The following DMD variants were observed in gnomAD, a reference collection of about 807,000 sequenced individuals.
DMD encodes the protein mutant dystrophin.
Under a neutral mutation model 330.1 loss-of-function variants are expected in DMD, and 63 were observed. That is an observed-to-expected ratio of 0.19 (90% CI 0.16 to 0.24). The LOEUF (loss-of-function observed/expected upper bound fraction) is 0.24. Ranked by LOEUF, DMD falls within the 10% of genes least tolerant of loss-of-function variation. The pLI is 1.00. For missense variants in DMD, 3,344 were observed against 2,684.1 expected, an observed-to-expected ratio of 1.25 and a Z score of -5.43; for synonymous variants, 1,223 against 959.8, an observed-to-expected ratio of 1.27 and a Z score of -5.07.
chrX:33,042,018 C>G (rs765361605), intron 1 of DMD, among the ~76,000 whole-genome samples: 1 of 111,458 alleles, frequency 9.0e-6, no homozygotes, highest in African/African-American at 3.3e-5. Flanking sequence ...GTTTACACAA[C>G]TCTTAGATGT....
chrX:32,563,342 C>CAAAAAAAAAAAAAAAAAAAAAAAAA (rs745316161), intron 16 of DMD, among the ~76,000 whole-genome samples: 1 of 42,853 alleles, frequency 2.3e-5, no homozygotes, highest in African/African-American at 9.1e-5. Context: ...GACTCCATCT[C>CAAAAAAAAAAAAAAAAAAAAAAAAA]AAAAAAAAAA....
intron 53 of DMD, among the ~76,000 whole-genome samples, chrX:31,672,357 A>C (rs774789129): frequency 8.9e-6 from 1 of 112,529 alleles, no homozygotes; most frequent in Non-Finnish European, 1.9e-5. Context: ...ACAGTTGAAA[A>C]GAATGAGTAT....
At chrX:31,895,888 C>G (rs2094324475) in intron 47 of DMD, among the ~76,000 whole-genome samples, 1 of 112,097 alleles carries the variant, frequency 8.9e-6, no homozygotes, top group South Asian at 3.6e-4. Flanking sequence ...GTTTCATTAA[C>G]CCTATTCTTT....
intron 55 of DMD, among the ~76,000 whole-genome samples, chrX:31,569,683 C>G (rs368124069): frequency 5.3e-5 from 4 of 75,813 alleles, no homozygotes; most frequent in South Asian, 1.0e-3. Context: ...TATATATATG[C>G]CAATTCTTCA....
At chrX:31,623,551 C>G (rs2078681104) in intron 55 of DMD, among the ~76,000 whole-genome samples, 1 of 112,123 alleles carries the variant, frequency 8.9e-6, no homozygotes, top group South Asian at 3.7e-4. Flanking sequence ...CGTGAGCCAC[C>G]ACACCCAATT....
chrX:32,636,764 T>C (rs1379720479), intron 11 of DMD, among the ~76,000 whole-genome samples: 2 of 110,896 alleles, frequency 1.8e-5, no homozygotes, highest in African/African-American at 6.6e-5. Flanking sequence ...CTGAGGAGGC[T>C]AAGGCAGGTG....
chrX:33,301,155 C>T (rs746909123), intron 1 of DMD, among the ~76,000 whole-genome samples: 10 of 111,404 alleles, frequency 9.0e-5, no homozygotes, highest in African/African-American at 2.9e-4. Context: ...CAAGGCCAGG[C>T]ATTGTCTGAT....
intron 44 of DMD, among the ~76,000 whole-genome samples, chrX:31,997,674 T>C (rs1278640198): frequency 9.0e-6 from 1 of 110,730 alleles, no homozygotes; most frequent in Non-Finnish European, 1.9e-5. Context: ...TGATGATTAA[T>C]ATTCCAAATT....
chrX:32,277,304 G>A (rs950472816), intron 43 of DMD, among the ~76,000 whole-genome samples: 4 of 111,612 alleles, frequency 3.6e-5, no homozygotes, highest in Non-Finnish European at 5.6e-5. Context: ...CAACACTGGA[G>A]TACAGATATA....
chrX:31,674,672 G>A (rs5971588), intron 53 of DMD, among the ~76,000 whole-genome samples: 37,657 of 110,984 alleles, frequency 0.34, 4,761 homozygotes, highest in East Asian at 0.45. Context: ...ACTGACAGGG[G>A]AAAAAATAAA....
intron 1 of DMD, chrX:33,339,160 C>G (rs1309447775): frequency 1.1e-6 from 1 of 923,844 alleles, no homozygotes; most frequent in Non-Finnish European, 1.5e-6. Context: ...AGCTCGGCAA[C>G]AAACCCCAGC....
In DMD at chrX:32,924,409, C is replaced by G. The variant is rs751571200; in HGVS notation, c.94-74589G>C. On this transcript the variant is annotated intron_variant, in intron 2 of 78. Coordinates refer to ENST00000357033, the MANE Select transcript of DMD (RefSeq NM_004006.3). ...AGCAGGGCGTGGTGTGCACTTGTCCCAGCTACTCAGGAGGTGCAGGTGGGA... is the reference window on the plus strand; with the variant it reads ...AGCAGGGCGTGGTGTGCACTTGTCCGAGCTACTCAGGAGGTGCAGGTGGGA... 2.7e-5 allele frequency among the ~76,000 whole-genome samples: 3 copies of G among 110,774 alleles called. No homozygotes were observed. The Admixed American group carries it at 2.9e-4, about 11-fold the overall frequency.
chrX:31,972,223 G>A (rs921608907), intron 44 of DMD, among the ~76,000 whole-genome samples: 1 of 111,473 alleles, frequency 9.0e-6, no homozygotes, highest in African/African-American at 3.3e-5. Context: ...TAAGTCAAAA[G>A]CTGTTCCTAA....
At chrX:32,808,582 T>A (rs1356011948) in intron 7 of DMD, among the ~76,000 whole-genome samples, 1 of 107,369 alleles carries the variant, frequency 9.3e-6, no homozygotes, top group Non-Finnish European at 1.9e-5. Context: ...CTGGGTCATT[T>A]TTGAGTTTTC....
At chrX:33,114,267 G>A (rs1025782755) in intron 1 of DMD, among the ~76,000 whole-genome samples, 5 of 108,297 alleles carry the variant, frequency 4.6e-5, no homozygotes, top group Non-Finnish European at 7.6e-5. Context: ...CCACCACCAC[G>A]CCTGGCTAAA....
chrX:31,732,619 C>G (rs1050520343), intron 51 of DMD, among the ~76,000 whole-genome samples: 12 of 110,741 alleles, frequency 1.1e-4, no homozygotes, highest in Non-Finnish European at 1.9e-5. Context: ...ACCTCTATTC[C>G]TTCGAGCCAC....
intron 12 of DMD, among the ~76,000 whole-genome samples, chrX:32,604,966 A>C (rs1488672973): frequency 9.0e-6 from 1 of 111,211 alleles, no homozygotes; most frequent in African/African-American, 3.2e-5. Flanking sequence ...TTGTTAAAAT[A>C]ACCACACTGC....
chrX:32,918,368 G>A (rs1261479535), intron 2 of DMD, among the ~76,000 whole-genome samples: 1 of 111,237 alleles, frequency 9.0e-6, no homozygotes, highest in South Asian at 3.7e-4. Flanking sequence ...ATTTTTTCGT[G>A]TGTGTGACAA....
At chrX:31,760,128 T>C (rs1408093021) in intron 51 of DMD, among the ~76,000 whole-genome samples, 1 of 112,226 alleles carries the variant, frequency 8.9e-6, no homozygotes, top group Non-Finnish European at 1.9e-5. Context: ...TTTTTCAGCT[T>C]ATTTGACCTT....
Sources: allele counts gnomAD v4.1 joint callset (sites outside exome capture counted in the v4.1 genomes callset), GRCh38; gene constraint gnomAD v4.1.1; transcripts MANE v1.5; gene names NCBI Gene and HGNC (gene_info 2026-07-23, HGNC 2026-07-21).